The following SEMA5A variants were observed in gnomAD, a reference collection of about 807,000 sequenced individuals.
The protein encoded by SEMA5A is semaphorin-5A.
A neutral mutation model predicts 135.5 loss-of-function variants in SEMA5A; 55 were observed. That is an observed-to-expected ratio of 0.41 (90% confidence interval 0.33 to 0.51). The LOEUF is 0.51. SEMA5A is among the 20% of genes least tolerant of loss of function. SEMA5A has a pLI of 0.37. For synonymous variants in SEMA5A, 580 were observed against 546.5 expected (o/e 1.06, Z -0.85); for missense variants, 1,290 against 1,419.9 (o/e 0.91, Z 1.47).
At chr5:9,192,813 C>T (rs1745186063) in intron 10 of SEMA5A, among the ~76,000 whole-genome samples, 1 of 152,160 alleles carries the variant, frequency 6.6e-6, no homozygotes, top group African/African-American at 2.4e-5. Context: ...CGGCAGTTAG[C>T]TGCCTACCTG....
rs540709390 is a variant in SEMA5A at position 9,102,969 on chromosome 5, C to T, written c.2073+5171G>A. On this transcript the variant is annotated intron_variant, in intron 16 of 22. Coordinates refer to ENST00000382496, the MANE Select transcript of SEMA5A (RefSeq NM_003966.3). Reference sequence around the variant, plus strand: ...ACACAGCTGAGACTGTTGAGAAATACGACTGGAGCTAAACAAATACAAAAT... The same window carrying T: ...ACACAGCTGAGACTGTTGAGAAATATGACTGGAGCTAAACAAATACAAAAT... Among the ~76,000 whole-genome samples the T allele has an allele frequency of 2.0e-4, 30 of 152,278 alleles. No individual in the cohort carries two copies. The South Asian group carries it at 4.6e-3, about 23-fold the overall frequency.
intron 11 of SEMA5A, among the ~76,000 whole-genome samples, chr5:9,172,279 G>T (rs1743967778): frequency 6.6e-6 from 1 of 152,202 alleles, no homozygotes; most frequent in Non-Finnish European, 1.5e-5. Flanking sequence ...ATTTCTAATT[G>T]AAGGAAGATT....
intron 3 of SEMA5A, among the ~76,000 whole-genome samples, chr5:9,358,149 A>G (rs970197000): frequency 6.6e-6 from 1 of 151,896 alleles, no homozygotes; most frequent in Non-Finnish European, 1.5e-5. Flanking sequence ...CTCTCATTCC[A>G]TCACTGGTTG....
At chr5:9,199,263 T>C (rs1259777952) in intron 9 of SEMA5A, among the ~76,000 whole-genome samples, 2 of 152,156 alleles carry the variant, frequency 1.3e-5, no homozygotes, top group Admixed American at 6.5e-5. Flanking sequence ...CATCCTTTAA[T>C]AGTGTTGTGG....
intron 5 of SEMA5A, among the ~76,000 whole-genome samples, chr5:9,263,892 C>T (rs1369304809): frequency 5.9e-5 from 9 of 152,140 alleles, no homozygotes; most frequent in African/African-American, 1.2e-4. Flanking sequence ...GCTCTGATGA[C>T]GTATCTTTTC....
chr5:9,334,468 G>A (rs1174161453), intron 4 of SEMA5A, among the ~76,000 whole-genome samples: 1 of 152,182 alleles, frequency 6.6e-6, no homozygotes, highest in Non-Finnish European at 1.5e-5. Flanking sequence ...TGCCTGAAAG[G>A]CATATGCACA....
At chr5:9,175,618 T>C (rs1744161808) in intron 11 of SEMA5A, among the ~76,000 whole-genome samples, 1 of 152,202 alleles carries the variant, frequency 6.6e-6, no homozygotes, top group African/African-American at 2.4e-5. Context: ...TTTTTCATTA[T>C]ACACATTTGC....
chr5:9,517,563 C>A (rs889175579), intron 1 of SEMA5A: 4 of 152,162 alleles, frequency 2.6e-5, no homozygotes, highest in Admixed American at 1.3e-4. Context: ...AAGAAGTTAC[C>A]TGTTGTAGTT....
intron 2 of SEMA5A, among the ~76,000 whole-genome samples, chr5:9,436,376 C>A (rs764986862): frequency 6.6e-6 from 1 of 152,160 alleles, no homozygotes; most frequent in African/African-American, 2.4e-5. Context: ...CCTGAATCTA[C>A]GTGGGCTGGA....
chr5:9,150,677 A>C (rs1166762824), intron 12 of SEMA5A, among the ~76,000 whole-genome samples: 2 of 152,200 alleles, frequency 1.3e-5, no homozygotes, highest in Non-Finnish European at 2.9e-5. Context: ...CTGAGGTCCC[A>C]GGATCTCCTT....
chr5:9,368,204 A>G (rs1754995207), intron 3 of SEMA5A, among the ~76,000 whole-genome samples: 1 of 152,224 alleles, frequency 6.6e-6, no homozygotes. Context: ...TAAATGTTAC[A>G]TAACACATTA....
chr5:9,341,510 G>A (rs1438376389), intron 3 of SEMA5A, among the ~76,000 whole-genome samples: 2 of 151,792 alleles, frequency 1.3e-5, no homozygotes, highest in East Asian at 1.9e-4. Context: ...GGTGAATTGA[G>A]GGGATACAAT....
intron 3 of SEMA5A, among the ~76,000 whole-genome samples, chr5:9,365,798 A>G (rs754727959): frequency 1.3e-5 from 2 of 152,230 alleles, no homozygotes; most frequent in Non-Finnish European, 2.9e-5. Flanking sequence ...AGAGCAAAGA[A>G]GCTGGTTGCC....
Position 9,035,699 on chromosome 5 carries a change from T to C in SEMA5A, c.*7198A>G, listed in dbSNP as rs1478282472. 2.0e-5 allele frequency: 3 copies of C among 152,074 alleles called. No homozygotes were observed. Among genetic ancestry groups the C allele is most frequent in the African/African-American group, 4.8e-5 (2 of 41,376 alleles). The allele number at this position is 152,074 out of a possible 1,614,324, so 9.4% of individuals were successfully genotyped here. A position where few individuals can be genotyped will look rare whatever the true frequency, so the allele number is the denominator to read the frequency against. ...TGTAACAAGAAGGTTTTGAAGAATA[T>C]CAATGCTTCAAATGTAAGGATTGAA... is the stretch of plus-strand genomic sequence containing the variant. On this transcript the variant is annotated 3_prime_UTR_variant, in exon 23 of 23. Transcript: ENST00000382496.
chr5:9,384,026 G>A (rs1336407198), intron 2 of SEMA5A, among the ~76,000 whole-genome samples: 1 of 152,108 alleles, frequency 6.6e-6, no homozygotes, highest in African/African-American at 2.4e-5. Flanking sequence ...CATTTAATGA[G>A]AACAGGTAAT....
chr5:9,320,334 G>A (rs1752573141), intron 4 of SEMA5A, among the ~76,000 whole-genome samples: 1 of 152,258 alleles, frequency 6.6e-6, no homozygotes, highest in African/African-American at 2.4e-5. Context: ...TGTAGAACCA[G>A]GTTAAGGATA....
chr5:9,043,191 C>T, intron 22 of SEMA5A, 175 bp from the exon 23 acceptor site: 2 of 575,792 alleles, frequency 3.5e-6, no homozygotes, highest in South Asian at 5.2e-5. Flanking sequence ...GAGGACTTGC[C>T]TAATTACCAG....
At chr5:9,129,200 G>A (rs1392744324) in intron 13 of SEMA5A, among the ~76,000 whole-genome samples, 1 of 152,140 alleles carries the variant, frequency 6.6e-6, no homozygotes, top group African/African-American at 2.4e-5. Context: ...AGAGGAAAGA[G>A]GCAAATAAAA....
chr5:9,409,071 A>C (rs1309784355), intron 2 of SEMA5A, among the ~76,000 whole-genome samples: 2 of 152,188 alleles, frequency 1.3e-5, no homozygotes, highest in Admixed American at 1.3e-4. Context: ...GTAACACTGA[A>C]TTAGTTGGCA....
Sources: gnomAD v4.1 joint callset for allele counts (sites outside exome capture counted in the v4.1 genomes callset) on GRCh38, gnomAD v4.1.1 for gene constraint, MANE v1.5 for transcripts, NCBI Gene and HGNC (gene_info 2026-07-23, HGNC 2026-07-21) for gene names.